LARS2: variants seen among roughly 807,000 people sequenced by gnomAD.
LARS2 encodes leucyl-tRNA synthetase 2, mitochondrial.
Under a neutral mutation model 116.6 loss-of-function variants are expected in LARS2, and 81 were observed. The observed-to-expected ratio is 0.69, with a 90% CI of 0.58 to 0.84. The LOEUF (loss-of-function observed/expected upper bound fraction) is 0.84. LARS2 is among the 40% of genes least tolerant of loss of function. LARS2 has a pLI of 0.00. For missense variants in LARS2, 968 were observed against 1,114.5 expected (o/e 0.87, Z 1.87); for synonymous variants, 396 against 407.2 (o/e 0.97, Z 0.33).
In LARS2 at chr3:45,496,305, C is replaced by T; in HGVS notation, c.1554C>T (p.Asp518=). Residue 518 remains aspartate (D), a synonymous_variant, in exon 14 of 22, where the codon GAC becomes GAT. Coordinates refer to ENST00000645846, the MANE Select transcript of LARS2 (RefSeq NM_015340.4). Reference sequence around the variant, plus strand: ...AGGGAGCAGCCAAGAGAGAGACAGACACGATGGATACCTTTGTTGATTCTG... The same window carrying T: ...AGGGAGCAGCCAAGAGAGAGACAGATACGATGGATACCTTTGTTGATTCTG... ...RCKGAAKRET[D]TMDTFVDSAW... 1 of 1,614,026 alleles carries T rather than the reference C, an allele frequency of 6.2e-7. No individual in the cohort carries two copies. The highest frequency in any genetic ancestry group is 8.5e-7 in the Non-Finnish European group (1 of 1,179,868).
At chr3:45,406,348 GGTATTTAAATAA>G in intron 4 of LARS2, among the ~76,000 whole-genome samples, 1 of 152,234 alleles carries the variant, frequency 6.6e-6, no homozygotes, top group South Asian at 2.1e-4. Flanking sequence ...CTCAGGAATT[GGTATTTAAATAA>G]GCATTTCAGG....
intron 21 of LARS2, among the ~76,000 whole-genome samples, chr3:45,547,137 G>T (rs867138499): frequency 2.0e-5 from 3 of 152,136 alleles, no homozygotes; most frequent in African/African-American, 7.2e-5. Context: ...TCTCAGTGTC[G>T]GTCTCTTTCT....
intron 10 of LARS2, among the ~76,000 whole-genome samples, chr3:45,477,019 G>T (rs1243128507): frequency 6.6e-6 from 1 of 152,158 alleles, no homozygotes; most frequent in Non-Finnish European, 1.5e-5. Flanking sequence ...AGAGACCAAA[G>T]GGAAGCCAGT....
In LARS2 at chr3:45,484,603, CAAAAA is replaced by C. The variant is rs1156814528; in HGVS notation, c.1019-1065_1019-1061del. Reference sequence around the variant, plus strand: ...TGACATAGCAAGACCCCTGTCTCTACAAAAAAAAAAAAAAAAAAAAAAAAAAAATA... The same window carrying C: ...TGACATAGCAAGACCCCTGTCTCTACAAAAAAAAAAAAAAAAAAAAAAATA... On this transcript the variant is annotated intron_variant, in intron 10 of 21. Coordinates refer to ENST00000645846, the MANE Select transcript of LARS2 (RefSeq NM_015340.4). Among the ~76,000 whole-genome samples the C allele has an allele frequency of 8.6e-3, 127 of 14,702 alleles. 4 individuals carry two copies. Among genetic ancestry groups the C allele is most frequent in the African/African-American group, 0.021 (112 of 5,398 alleles). The allele number at this position is 14,702 out of a possible 152,430, so 9.6% of individuals were successfully genotyped here.
chr3:45,454,922 G>A (rs1247237247), intron 7 of LARS2, among the ~76,000 whole-genome samples: 1 of 152,102 alleles, frequency 6.6e-6, no homozygotes, highest in African/African-American at 2.4e-5. Flanking sequence ...CAGGGCCCTG[G>A]ATTTTGACGA....
intron 7 of LARS2, 94 bp downstream of exon 7, chr3:45,447,074 A>G (rs1699034462): frequency 1.4e-6 from 1 of 720,430 alleles, no homozygotes; most frequent in East Asian, 2.7e-5. Flanking sequence ...CCTCAAGTTC[A>G]TAAAATCAGT....
rs148484371 is a variant in LARS2, at chr3:45,435,315, C to T, written c.517-11576C>T. 4.7e-4 allele frequency among the ~76,000 whole-genome samples: 72 copies of T among 152,258 alleles called. No homozygotes were observed. In the East Asian group the frequency reaches 6.4e-3, roughly 13 times the overall value. ...AAGAGGGGGATGGATTGTTCACTAACGCCCAATAGGGCTAGAAGTCCCAGC... is the reference window on the plus strand; with the variant it reads ...AAGAGGGGGATGGATTGTTCACTAATGCCCAATAGGGCTAGAAGTCCCAGC... On this transcript the variant is annotated intron_variant, in intron 6 of 21. Coordinates refer to ENST00000645846, the MANE Select transcript of LARS2 (RefSeq NM_015340.4).
chr3:45,412,135 A>G (rs1027334801), intron 4 of LARS2, among the ~76,000 whole-genome samples: 4 of 152,230 alleles, frequency 2.6e-5, no homozygotes, highest in African/African-American at 4.8e-5. Context: ...TATTGTGAAT[A>G]GTGCTGCAGT....
chr3:45,453,192 C>G (rs191611522), intron 7 of LARS2, among the ~76,000 whole-genome samples: 1 of 149,626 alleles, frequency 6.7e-6, no homozygotes, highest in Non-Finnish European at 1.5e-5. Flanking sequence ...TTTATTATTT[C>G]GTTCCTTCTA....
At chr3:45,442,257 G>A (rs372212655) in intron 6 of LARS2, among the ~76,000 whole-genome samples, 1 of 152,198 alleles carries the variant, frequency 6.6e-6, no homozygotes, top group East Asian at 1.9e-4. Flanking sequence ...GCAGATGTGA[G>A]CAACAGGAAG....
intron 7 of LARS2, among the ~76,000 whole-genome samples, chr3:45,449,563 C>A (rs1699079333): frequency 6.6e-6 from 1 of 152,156 alleles, no homozygotes; most frequent in Non-Finnish European, 1.5e-5. Flanking sequence ...ACCTAATCAC[C>A]TCTGAAATGT....
At position 45,525,511 on chromosome 3, in the gene LARS2, G is replaced by C. The variant is rs76798087; in HGVS notation, c.2404+1403G>C. On this transcript the variant is annotated intron_variant, in intron 20 of 21. Transcript: ENST00000645846. ...TAAGGATTTGGATGGGTCTGACTCT[G>C]AAGTTTCCTTTGGTTCATTCTTTGC... is the stretch of plus-strand genomic sequence containing the variant. 4.2e-3 allele frequency among the ~76,000 whole-genome samples: 645 copies of C among 152,294 alleles called. 24 individuals are homozygous for C. In the East Asian group the frequency reaches 0.1, roughly 24 times the overall value.
chr3:45,546,151 C>T (rs1336616439), intron 21 of LARS2, among the ~76,000 whole-genome samples: 1 of 152,190 alleles, frequency 6.6e-6, no homozygotes, highest in African/African-American at 2.4e-5. Flanking sequence ...TCACTAATAA[C>T]TGCATGTCCT....
chr3:45,455,524 A>T (rs1699199896), intron 7 of LARS2, among the ~76,000 whole-genome samples: 1 of 152,084 alleles, frequency 6.6e-6, no homozygotes, highest in South Asian at 2.1e-4. Flanking sequence ...CCCTTCCAGA[A>T]CCTGTGTACA....
At chr3:45,459,285 G>T (rs955586397) in intron 8 of LARS2, among the ~76,000 whole-genome samples, 1 of 152,194 alleles carries the variant, frequency 6.6e-6, no homozygotes, top group Admixed American at 6.5e-5. Context: ...TGAAATCTCA[G>T]ATAAGTAAAT....
intron 10 of LARS2, among the ~76,000 whole-genome samples, chr3:45,478,411 G>C (rs1397835924): frequency 6.6e-6 from 1 of 152,198 alleles, no homozygotes; most frequent in Non-Finnish European, 1.5e-5. Flanking sequence ...CTATTAATAG[G>C]GGAGCTATGA....
At chr3:45,543,075 G>T (rs995248580) in intron 21 of LARS2, among the ~76,000 whole-genome samples, 1 of 152,164 alleles carries the variant, frequency 6.6e-6, no homozygotes, top group African/African-American at 2.4e-5. Context: ...ATTTTGCCCA[G>T]GAGACCGGGC....
intron 7 of LARS2, among the ~76,000 whole-genome samples, chr3:45,457,262 A>G (rs1699228559): frequency 6.6e-6 from 1 of 152,236 alleles, no homozygotes; most frequent in Non-Finnish European, 1.5e-5. Flanking sequence ...CAACCGGAAG[A>G]TAAGGGTCCA....
intron 10 of LARS2, chr3:45,483,915 C>G (rs1006827208): frequency 6.6e-6 from 1 of 151,894 alleles, no homozygotes; most frequent in Non-Finnish European, 1.5e-5. Flanking sequence ...GATATAGACC[C>G]TGGCCAGGCA....
Sources: gnomAD v4.1 joint callset for allele counts (sites outside exome capture counted in the v4.1 genomes callset) on GRCh38, gnomAD v4.1.1 for gene constraint, MANE v1.5 for transcripts, NCBI Gene and HGNC (gene_info 2026-07-23, HGNC 2026-07-21) for gene names.